MANBA: variants seen among roughly 807,000 people sequenced by gnomAD.
The protein encoded by MANBA is beta-mannosidase.
MANBA carries 83 observed loss-of-function variants against 111.1 expected under a neutral mutation model. The ratio of observed to expected loss-of-function variants is 0.75; its 90% CI spans 0.63 to 0.90. MANBA has a LOEUF of 0.90. Among genes scored for constraint, MANBA ranks in the 40% least tolerant of loss-of-function variants. The probability of loss-of-function intolerance (pLI) is 0.00; values close to 1 mark genes in which losing one functional copy is unlikely to be tolerated. For missense variants in MANBA, 1,036 were observed against 1,069.0 expected, an observed-to-expected ratio of 0.97 and a Z score of 0.43; for synonymous variants, 370 against 378.7, an observed-to-expected ratio of 0.98 and a Z score of 0.27.
intron 4 of MANBA, among the ~76,000 whole-genome samples, chr4:102,719,629 A>G (rs1464334633): frequency 6.6e-6 from 1 of 152,228 alleles, no homozygotes. Context: ...CCTCCAAAAT[A>G]GATATCACCA....
At chr4:102,666,732 C>T (rs915146406) in intron 10 of MANBA, 65 of 152,218 alleles carry the variant, frequency 4.3e-4, no homozygotes, top group African/African-American at 1.4e-3. Flanking sequence ...GGAAGGAGTT[C>T]GATTGTACTT....
At chr4:102,652,267 C>T (rs1730368181) in intron 12 of MANBA, among the ~76,000 whole-genome samples, 1 of 152,198 alleles carries the variant, frequency 6.6e-6, no homozygotes, top group African/African-American at 2.4e-5. Context: ...CCCTTCCACC[C>T]TCTAGTAATC....
At chr4:102,681,320 G>C (rs922269410) in intron 7 of MANBA, among the ~76,000 whole-genome samples, 2 of 152,076 alleles carry the variant, frequency 1.3e-5, no homozygotes, top group African/African-American at 4.8e-5. Context: ...GACAGAGTGA[G>C]CCCCTGTCTC....
At chr4:102,730,866 C>T (rs917832356) in intron 1 of MANBA, 14 of 346,068 alleles carry the variant, frequency 4.0e-5, no homozygotes, top group Non-Finnish European at 1.1e-5. Context: ...AAACAGCCTA[C>T]CCGCTTCCCG....
intron 5 of MANBA, among the ~76,000 whole-genome samples, chr4:102,696,282 T>TCTGC (rs1578910826): frequency 6.6e-6 from 1 of 152,156 alleles, no homozygotes; most frequent in African/African-American, 2.4e-5. Flanking sequence ...TGTCTGACCC[T>TCTGC]CTGCTAAACG....
chr4:102,726,585 A>T lies in MANBA; in HGVS notation c.272+4T>A, dbSNP rs1485291244. ...AATAAAAATACACCCACAAACATAC[A>T]TACCTAATTTCAAAGGGGATTTTAA... On this transcript the variant is annotated splice_donor_region_variant and intron_variant, in intron 2 of 16. Transcript: ENST00000647097. 2 of 1,430,166 alleles carry T rather than the reference A, an allele frequency of 1.4e-6. No individual in the cohort carries two copies. The highest frequency in any genetic ancestry group is 1.7e-5 in the Admixed American group (1 of 59,432). 88.6% of individuals were successfully genotyped at this position (1,430,166 alleles called of 1,614,324 possible).
intron 7 of MANBA, among the ~76,000 whole-genome samples, chr4:102,682,432 G>C (rs573808421): frequency 3.2e-4 from 49 of 152,132 alleles, no homozygotes; most frequent in African/African-American, 1.1e-3. Context: ...CCCACTTACT[G>C]TCTGCACCTA....
At chr4:102,677,197 C>T (rs1171544072) in intron 7 of MANBA, among the ~76,000 whole-genome samples, 1 of 152,118 alleles carries the variant, frequency 6.6e-6, no homozygotes, top group Non-Finnish European at 1.5e-5. Context: ...GACTTGGATA[C>T]CTGGCAGACA....
chr4:102,757,383 G>A lies in MANBA; in HGVS notation c.177+3335C>T, dbSNP rs561694710. On this transcript the variant is annotated intron_variant, in intron 1 of 16. Coordinates refer to ENST00000647097, the MANE Select transcript of MANBA (RefSeq NM_005908.4). Reference sequence around the variant, plus strand: ...ATAACTTTTCACAGAGAACCCAAAAGACTCTCTAAGAAACCAAAGGTTTAG... The same window carrying A: ...ATAACTTTTCACAGAGAACCCAAAAAACTCTCTAAGAAACCAAAGGTTTAG... Among the ~76,000 whole-genome samples the A allele has an allele frequency of 9.9e-5, 15 of 151,148 alleles. No homozygotes were observed. In the South Asian group the frequency reaches 3.1e-3, roughly 32 times the overall value.
At chr4:102,757,166 C>G (rs1044341872) in intron 1 of MANBA, among the ~76,000 whole-genome samples, 10 of 151,994 alleles carry the variant, frequency 6.6e-5, no homozygotes, top group Admixed American at 2.0e-4. Flanking sequence ...CTTGTCTCTA[C>G]TAAAAGTACA....
At chr4:102,714,344 T>C in intron 5 of MANBA, 94 bp downstream of exon 5, 1 of 1,241,802 alleles carries the variant, frequency 8.1e-7, no homozygotes, top group Non-Finnish European at 1.2e-6. Context: ...AAATTCTAAA[T>C]CTCTGAAAAA....
chr4:102,652,933 T>C (rs1359814366), intron 12 of MANBA, among the ~76,000 whole-genome samples: 5 of 152,152 alleles, frequency 3.3e-5, no homozygotes, highest in African/African-American at 1.2e-4. Flanking sequence ...GTAGGTACTA[T>C]TATCACCCCA....
intron 1 of MANBA, among the ~76,000 whole-genome samples, chr4:102,755,090 T>A (rs1478145738): frequency 6.6e-6 from 1 of 152,280 alleles, no homozygotes; most frequent in Admixed American, 6.5e-5. Context: ...AAGCTACCAA[T>A]GACTTTCTTC....
intron 1 of MANBA, among the ~76,000 whole-genome samples, chr4:102,737,482 G>A (rs923573649): frequency 6.6e-6 from 1 of 151,586 alleles, no homozygotes; most frequent in Admixed American, 6.6e-5. Context: ...TGTTTTTTTT[G>A]TTTGTTTGTT....
At chr4:102,729,405 C>G (rs775071311) in intron 1 of MANBA, 7 of 1,058,532 alleles carry the variant, frequency 6.6e-6, no homozygotes, top group Non-Finnish European at 1.0e-5. Context: ...TGATGCTGTT[C>G]ATGCCCAGGG....
chr4:102,663,369 C>A (rs1303166639), intron 11 of MANBA, among the ~76,000 whole-genome samples: 1 of 152,154 alleles, frequency 6.6e-6, no homozygotes, highest in East Asian at 1.9e-4. Context: ...TCAAAGCCTG[C>A]ATACTTAACC....
intron 1 of MANBA, among the ~76,000 whole-genome samples, chr4:102,736,827 C>T (rs1331964274): frequency 6.6e-6 from 1 of 152,126 alleles, no homozygotes; most frequent in East Asian, 1.9e-4. Flanking sequence ...CAAAAGAATT[C>T]AAGACCCTTT....
intron 1 of MANBA, among the ~76,000 whole-genome samples, chr4:102,755,601 A>C (rs1162344001): frequency 6.6e-6 from 1 of 152,256 alleles, no homozygotes; most frequent in Non-Finnish European, 1.5e-5. Flanking sequence ...CAATGGCAAC[A>C]AAAGCCAAAC....
intron 16 of MANBA, among the ~76,000 whole-genome samples, chr4:102,632,531 T>C (rs1729435928): frequency 6.6e-6 from 1 of 152,232 alleles, no homozygotes; most frequent in South Asian, 2.1e-4. Flanking sequence ...AAGGAGAATA[T>C]TTCACAAGAA....
Sources: allele counts gnomAD v4.1 joint callset (sites outside exome capture counted in the v4.1 genomes callset), GRCh38; gene constraint gnomAD v4.1.1; transcripts MANE v1.5; gene names NCBI Gene and HGNC (gene_info 2026-07-23, HGNC 2026-07-21).